The following MAPK1IP1L variants were observed in gnomAD, a reference collection of about 807,000 sequenced individuals.
The protein encoded by MAPK1IP1L is mitogen-activated protein kinase 1 interacting protein 1 like, also known as MAPK-interacting and spindle-stabilizing protein-like.
MAPK1IP1L carries 10 observed loss-of-function variants against 18.1 expected under a neutral mutation model. That is an observed-to-expected ratio of 0.55 (90% confidence interval 0.34 to 0.94). The LOEUF is 0.94. MAPK1IP1L is among the 40% of genes least tolerant of loss of function. The pLI is 0.02. For missense variants in MAPK1IP1L, 260 were observed against 318.2 expected (o/e 0.82, Z 1.39); for synonymous variants, 115 against 117.3 (o/e 0.98, Z 0.13).
Position 55,062,842 on chromosome 14 carries a change from T to C in MAPK1IP1L, c.243T>C (p.Pro81=), listed in dbSNP as rs2140261329. 1 of 1,614,022 alleles carries C rather than the reference T, an allele frequency of 6.2e-7. No individual in the cohort carries two copies. Among genetic ancestry groups the C allele is most frequent in the Admixed American group, 1.7e-5 (1 of 60,008 alleles). The change falls in exon 3 of 4, where the codon CCT becomes CCC. Residue 81 remains proline (P), a synonymous_variant. Transcript: ENST00000395468. ...MYPSVPPTGP[P]PGPPAPFPPS... ...CCTCCGTGCCTCCCACCGGACCACC[T>C]CCAGGACCCCCAGCACCCTTTCCTC...
intron 1 of MAPK1IP1L, among the ~76,000 whole-genome samples, chr14:55,056,434 C>A (rs150685922): frequency 6.6e-6 from 1 of 152,306 alleles, no homozygotes; most frequent in Admixed American, 6.5e-5. Context: ...ATTTTCTACA[C>A]TGTTAGTCCT....
At position 55,060,188 on chromosome 14, in the gene MAPK1IP1L, TTG is replaced by T. The variant is rs2042805969; in HGVS notation, c.-4-1491_-4-1490del. 1.1e-4 allele frequency among the ~76,000 whole-genome samples: 11 copies of T among 100,536 alleles called. No individual in the cohort carries two copies. The South Asian group carries it at 3.5e-3, about 32-fold the overall frequency. The allele number at this position is 100,536 out of a possible 152,430, so 66.0% of individuals were successfully genotyped here. On this transcript the variant is annotated intron_variant, in intron 1 of 3. Coordinates refer to ENST00000395468, the MANE Select transcript of MAPK1IP1L (RefSeq NM_144578.4). ...TTTTTTTTTTTTTTTTTTTTTTTTT[TTG>T]ATATGGAGTAGCCCTCCGTTGCCCA...
rs2042847958 is a variant in MAPK1IP1L at position 55,064,601 on chromosome 14, T to A, written c.727-15T>A. ...GCAAAATCTAGAAGTTGACTTTTTCTTTTTTCTATTGCAGTCTTACCATTA... is the reference window on the plus strand; with the variant it reads ...GCAAAATCTAGAAGTTGACTTTTTCATTTTTCTATTGCAGTCTTACCATTA... On this transcript the variant is annotated splice_polypyrimidine_tract_variant and intron_variant, in intron 3 of 3. Transcript: ENST00000395468. 6.2e-7 allele frequency: 1 copy of A among 1,612,480 alleles called. No homozygotes were observed. Among genetic ancestry groups the A allele is most frequent in the Non-Finnish European group, 8.5e-7 (1 of 1,179,244 alleles).
In MAPK1IP1L at chr14:55,063,280, G is replaced by A. The variant is rs1206699803; in HGVS notation, c.681G>A (p.Val227=). The part of the protein sequence containing the change: ...LYPTPSNPFQ[V]PSGPSGAPPM... ...CTACTCCCAGTAATCCTTTCCAAGT[G>A]CCTTCAGGACCTTCTGGTGCTCCAC... Residue 227 remains valine (V), a synonymous_variant, in exon 3 of 4, where the codon GTG becomes GTA. Transcript: ENST00000395468. 4.3e-6 allele frequency: 7 copies of A among 1,614,080 alleles called. No individual in the cohort carries two copies. The highest frequency in any genetic ancestry group is 2.2e-5 in the East Asian group (1 of 44,880).
chr14:55,058,352 C>T (rs1393795683), intron 1 of MAPK1IP1L, among the ~76,000 whole-genome samples: 2 of 152,080 alleles, frequency 1.3e-5, no homozygotes, highest in Non-Finnish European at 2.9e-5. Flanking sequence ...ATTTTAAAAC[C>T]CTGTCCCATA....
chr14:55,054,027 A>T (rs1296670398), intron 1 of MAPK1IP1L, among the ~76,000 whole-genome samples: 3 of 152,060 alleles, frequency 2.0e-5, no homozygotes, highest in African/African-American at 7.2e-5. Flanking sequence ...ATTTCCTTTG[A>T]GCGGCATGGT....
At chr14:55,054,827 C>T (rs904855404) in intron 1 of MAPK1IP1L, among the ~76,000 whole-genome samples, 1 of 152,174 alleles carries the variant, frequency 6.6e-6, no homozygotes, top group African/African-American at 2.4e-5. Flanking sequence ...TTTACCCTAA[C>T]AGCCATGAGA....
intron 2 of MAPK1IP1L, 147 bp from the exon 3 acceptor site, chr14:55,062,471 A>G (rs1308042633): frequency 3.0e-6 from 2 of 672,100 alleles, no homozygotes; most frequent in Non-Finnish European, 4.9e-6. Flanking sequence ...TAAATAGAGT[A>G]TTTTTTAAAT....
intron 1 of MAPK1IP1L, among the ~76,000 whole-genome samples, chr14:55,058,928 T>G (rs2042792462): frequency 6.6e-6 from 1 of 151,544 alleles, no homozygotes; most frequent in South Asian, 2.1e-4. Context: ...GTATTATAAA[T>G]AATATAGAGA....
Position 55,062,620 on chromosome 14 carries a change from G to A in MAPK1IP1L, c.21G>A (p.Leu7=). Residue 7 remains leucine (L), a splice_region_variant and synonymous_variant, in exon 3 of 4, where the codon TTG becomes TTA. Transcript: ENST00000395468. ...GACGTATCTGTTTTGTGTTCCAGTT[G>A]GCAGATGCACTACCTGAACACTCCC... is the stretch of plus-strand genomic sequence containing the variant. The part of the protein sequence containing the change: MSDEFS[L]ADALPEHSPA... The A allele has an allele frequency of 6.2e-7, 1 of 1,605,818 alleles. No homozygotes were observed. Among genetic ancestry groups the A allele is most frequent in the Non-Finnish European group, 8.5e-7 (1 of 1,175,122 alleles).
intron 3 of MAPK1IP1L, chr14:55,063,714 A>C: frequency 6.1e-6 from 1 of 163,146 alleles, no homozygotes; most frequent in Non-Finnish European, 1.3e-5. Context: ...CTACCTGTCT[A>C]GCTTGATAGA....
At chr14:55,056,571 T>G (rs766064534) in intron 1 of MAPK1IP1L, among the ~76,000 whole-genome samples, 3 of 152,236 alleles carry the variant, frequency 2.0e-5, no homozygotes, top group East Asian at 1.9e-4. Context: ...GTGCAGTGGC[T>G]TGATCTCAGC....
Position 55,067,372 on chromosome 14 carries a change from G to A in MAPK1IP1L, c.*2745G>A, listed in dbSNP as rs1482749320. ...AGTTAAGAAAAGCAGGCGTTTTAGT[G>A]GAGAAATGGGGAACAGCATCAAGAA... On this transcript the variant is annotated 3_prime_UTR_variant, in exon 4 of 4. Coordinates refer to ENST00000395468, the MANE Select transcript of MAPK1IP1L (RefSeq NM_144578.4). 6.6e-6 allele frequency: 1 copy of A among 151,898 alleles called. No individual in the cohort carries two copies. The highest frequency in any genetic ancestry group is 2.4e-5 in the African/African-American group (1 of 41,360). 9.4% of individuals were successfully genotyped at this position (151,898 alleles called of 1,614,324 possible). A position where few individuals can be genotyped will look rare whatever the true frequency, so the allele number is the denominator to read the frequency against.
chr14:55,069,211 T>C lies in MAPK1IP1L; in HGVS notation c.*4584T>C, dbSNP rs575048389. 6.5e-6 allele frequency: 1 copy of C among 152,692 alleles called. No individual in the cohort carries two copies. The highest frequency in any genetic ancestry group is 2.1e-4 in the South Asian group (1 of 4,820). The allele number at this position is 152,692 out of a possible 1,614,324, so 9.5% of individuals were successfully genotyped here. A position where few individuals can be genotyped will look rare whatever the true frequency, so the allele number is the denominator to read the frequency against. ...ACTTCTTATGTGTGCTCTATGAGTT[T>C]GTTGTAATTTTCTTCTTGAAATTGT... On this transcript the variant is annotated 3_prime_UTR_variant, in exon 4 of 4. Coordinates refer to ENST00000395468, the MANE Select transcript of MAPK1IP1L (RefSeq NM_144578.4).
rs189537677 is a variant in MAPK1IP1L at position 55,061,709 on chromosome 14, G to A, written c.18+8G>A. 6.4e-7 allele frequency: 1 copy of A among 1,564,692 alleles called. No individual in the cohort carries two copies. The highest frequency in any genetic ancestry group is 1.8e-5 in the Admixed American group (1 of 55,196). ...ATGTCTGATGAATTTTCGGTAAGTT[G>A]ATCAGTTTATCTGTGATAAGTTTTT... On this transcript the variant is annotated splice_region_variant and intron_variant, in intron 2 of 3. Coordinates refer to ENST00000395468, the MANE Select transcript of MAPK1IP1L (RefSeq NM_144578.4).
Position 55,069,055 on chromosome 14 carries a change from T to TTTCAA in MAPK1IP1L, c.*4428_*4429insTTCAA, listed in dbSNP as rs1481225516. ...TTAATGTTTTTCAAGATTGTAGTGT[T>TTTCAA]GATCAGCGCAACAATTCAAGTGTGC... On this transcript the variant is annotated 3_prime_UTR_variant, in exon 4 of 4. Coordinates refer to ENST00000395468, the MANE Select transcript of MAPK1IP1L (RefSeq NM_144578.4). 6.6e-6 allele frequency: 1 copy of TTTCAA among 152,076 alleles called. No homozygotes were observed. Among genetic ancestry groups the TTTCAA allele is most frequent in the Non-Finnish European group, 1.5e-5 (1 of 67,994 alleles). The allele number at this position is 152,076 out of a possible 1,614,324, so 9.4% of individuals were successfully genotyped here.
chr14:55,054,094 C>G (rs2042751470), intron 1 of MAPK1IP1L, among the ~76,000 whole-genome samples: 1 of 151,190 alleles, frequency 6.6e-6, no homozygotes, highest in Non-Finnish European at 1.5e-5. Flanking sequence ...TTTGAGTTGC[C>G]CAAATGTAAA....
chr14:55,051,678 C>A lies in MAPK1IP1L; in HGVS notation c.-130C>A. ...TGTTCCGGCGCCAGGAGGAGCCGCG[C>A]GCTGCTGGTGCTGTTGCCGCCGCTG... On this transcript the variant is annotated 5_prime_UTR_variant, in exon 1 of 4. Coordinates refer to ENST00000395468, the MANE Select transcript of MAPK1IP1L (RefSeq NM_144578.4). 1 of 515,314 alleles carries A rather than the reference C, an allele frequency of 1.9e-6. No individual in the cohort carries two copies. Among genetic ancestry groups the A allele is most frequent in the South Asian group, 1.4e-5 (1 of 71,416 alleles). 31.9% of individuals were successfully genotyped at this position (515,314 alleles called of 1,614,324 possible). A position where few individuals can be genotyped will look rare whatever the true frequency, so the allele number is the denominator to read the frequency against.
rs1218023169 is a variant in MAPK1IP1L at position 55,063,122 on chromosome 14, C to T, written c.523C>T (p.Pro175Ser). The part of the protein sequence containing the change: ...NMPYPSPGPY[P>S]APPPPQAPGA... ...GCCATATCCATCTCCAGGCCCATAT[C>T]CCGCTCCTCCTCCTCCCCAAGCCCC... The change falls in exon 3 of 4, where the codon CCC becomes TCC. Residue 175 changes from proline to serine, a missense_variant. Coordinates refer to ENST00000395468, the MANE Select transcript of MAPK1IP1L (RefSeq NM_144578.4). 1 of 1,613,730 alleles carries T rather than the reference C, an allele frequency of 6.2e-7. No individual in the cohort carries two copies. Among genetic ancestry groups the T allele is most frequent in the South Asian group, 1.1e-5 (1 of 91,060 alleles).
Sources: gnomAD v4.1 joint callset for allele counts (sites outside exome capture counted in the v4.1 genomes callset) on GRCh38, gnomAD v4.1.1 for gene constraint, MANE v1.5 for transcripts, NCBI Gene and HGNC (gene_info 2026-07-23, HGNC 2026-07-21) for gene names.